SHISAL1: variants seen among roughly 807,000 people sequenced by gnomAD.
SHISAL1 encodes protein shisa-like-1.
A neutral mutation model predicts 22.6 loss-of-function variants in SHISAL1; 9 were observed. The observed-to-expected ratio is 0.40, with a 90% CI of 0.24 to 0.70. The LOEUF (loss-of-function observed/expected upper bound fraction) is 0.70. SHISAL1 is among the 30% of genes least tolerant of loss of function. The pLI is 0.39. For synonymous variants in SHISAL1, 119 were observed against 115.4 expected (o/e 1.03, Z -0.20); for missense variants, 246 against 270.6 (o/e 0.91, Z 0.64).
chr22:44,320,292 A>G, the SHISAL1 span, among the ~76,000 whole-genome samples: 4 of 152,104 alleles, frequency 2.6e-5, no homozygotes, highest in African/African-American at 7.2e-5. Context: ...GTTCCTATAC[A>G]CTGTTGGTTC....
At chr22:44,274,493 GT>G (rs2055226115) in intron 4 of SHISAL1, among the ~76,000 whole-genome samples, 1 of 152,180 alleles carries the variant, frequency 6.6e-6, no homozygotes, top group Admixed American at 6.5e-5. Context: ...GTTTTCTGGA[GT>G]ATGTCTCCTC....
intron 4 of SHISAL1, among the ~76,000 whole-genome samples, chr22:44,262,011 C>A (rs1316446477): frequency 6.7e-6 from 1 of 148,552 alleles, no homozygotes; most frequent in African/African-American, 2.5e-5. Context: ...AGAACTGAGT[C>A]AGGTGTGGGC....
the SHISAL1 span, among the ~76,000 whole-genome samples, chr22:44,331,441 G>A: frequency 1.3e-5 from 2 of 151,070 alleles, no homozygotes; most frequent in Non-Finnish European, 3.0e-5. The surrounding 1 kb of genome is among the most constrained non-coding windows in gnomAD (Gnocchi z 5.2). Context: ...CCCGGCCCAG[G>A]CGCGCCCCTC....
intron 4 of SHISAL1, among the ~76,000 whole-genome samples, 181 bp from the exon 5 acceptor site, chr22:44,249,866 T>C (rs1034714690): frequency 7.2e-5 from 11 of 152,226 alleles, no homozygotes; most frequent in African/African-American, 2.4e-4. Context: ...GCTATCATTA[T>C]AGCTCCATAT....
chr22:44,311,245 C>G (rs1018091524), intron 1 of SHISAL1, among the ~76,000 whole-genome samples: 1 of 152,210 alleles, frequency 6.6e-6, no homozygotes, highest in Admixed American at 6.5e-5. Flanking sequence ...ACCACTTGCT[C>G]CATGGGGCTG....
intron 4 of SHISAL1, among the ~76,000 whole-genome samples, chr22:44,261,075 C>CATATATATATATATATATATATATATA: frequency 1.9e-5 from 1 of 53,948 alleles, no homozygotes; most frequent in Non-Finnish European, 3.5e-5. Flanking sequence ...TGCTTCATTA[C>CATATATATATATATATATATATATATA]TTTATATATA....
chr22:44,311,677 G>A (rs2055519645), intron 1 of SHISAL1, among the ~76,000 whole-genome samples: 1 of 152,228 alleles, frequency 6.6e-6, no homozygotes, highest in Non-Finnish European at 1.5e-5. Flanking sequence ...ACACACAGCT[G>A]AAAGGGGCTT....
intron 4 of SHISAL1, among the ~76,000 whole-genome samples, chr22:44,284,400 G>T (rs1235775607): frequency 6.6e-6 from 1 of 152,116 alleles, no homozygotes; most frequent in Non-Finnish European, 1.5e-5. Context: ...AAATGGCAGA[G>T]CCGGGACTCA....
chr22:44,274,752 G>C (rs964565378), intron 4 of SHISAL1, among the ~76,000 whole-genome samples: 14 of 152,166 alleles, frequency 9.2e-5, no homozygotes, highest in African/African-American at 3.4e-4. Flanking sequence ...TTAGAAGGGA[G>C]AAAAACGCAA....
intron 4 of SHISAL1, among the ~76,000 whole-genome samples, chr22:44,262,079 G>A (rs1352785094): frequency 6.6e-6 from 1 of 152,258 alleles, no homozygotes. Flanking sequence ...TGAAACAAGA[G>A]CAGCAGACCC....
rs542347963 is a variant in SHISAL1, at chr22:44,248,016, G to C, written c.*1669C>G. Reference sequence around the variant, plus strand: ...TAACGCCCATTACTGGCTCCTGTGTGTCATTCAAATCTGGGCTTCAATCAT... The same window carrying C: ...TAACGCCCATTACTGGCTCCTGTGTCTCATTCAAATCTGGGCTTCAATCAT... On this transcript the variant is annotated 3_prime_UTR_variant, in exon 5 of 5. Coordinates refer to ENST00000381176, the MANE Select transcript of SHISAL1 (RefSeq NM_001099294.2). The C allele has an allele frequency of 6.6e-6, 1 of 152,228 alleles. No homozygotes were observed. 9.4% of individuals were successfully genotyped at this position (152,228 alleles called of 1,614,324 possible). A position where few individuals can be genotyped will look rare whatever the true frequency, so the allele number is the denominator to read the frequency against.
chr22:44,306,577 TGTGATGA>T lies in SHISAL1; in HGVS notation c.-32-5607_-32-5601del, dbSNP rs1455287016. On this transcript the variant is annotated intron_variant, in intron 1 of 4. Transcript: ENST00000381176. ...TGGAGGGGAACTGAGCTCGGGGAGCTGTGATGACGATGGCATGTGTGGAGGGGAACTG... is the reference window on the plus strand; with the variant it reads ...TGGAGGGGAACTGAGCTCGGGGAGCTCGATGGCATGTGTGGAGGGGAACTG... Among the ~76,000 whole-genome samples the T allele has an allele frequency of 8.2e-4, 29 of 35,412 alleles. 1 individual carries two copies. The highest frequency in any genetic ancestry group is 1.1e-3 in the Non-Finnish European group (16 of 15,174). 23.2% of individuals were successfully genotyped at this position (35,412 alleles called of 152,430 possible). A position where few individuals can be genotyped will look rare whatever the true frequency, so the allele number is the denominator to read the frequency against.
At chr22:44,302,441 G>C (rs1248811324) in intron 1 of SHISAL1, among the ~76,000 whole-genome samples, 2 of 152,214 alleles carry the variant, frequency 1.3e-5, no homozygotes, top group Non-Finnish European at 2.9e-5. Context: ...TGTTACGAGG[G>C]AAAATAAAAC....
chr22:44,305,153 C>A (rs766874242), intron 1 of SHISAL1, among the ~76,000 whole-genome samples: 1 of 152,208 alleles, frequency 6.6e-6, no homozygotes, highest in African/African-American at 2.4e-5. Flanking sequence ...AAAAGTTTGC[C>A]CCTCCACTGA....
At chr22:44,309,524 C>T (rs919553571) in intron 1 of SHISAL1, among the ~76,000 whole-genome samples, 6 of 152,152 alleles carry the variant, frequency 3.9e-5, no homozygotes, top group African/African-American at 1.4e-4. Flanking sequence ...TCCCACCCAG[C>T]CCTATGCTGC....
intron 4 of SHISAL1, among the ~76,000 whole-genome samples, chr22:44,273,116 C>A (rs546057930): frequency 9.9e-5 from 15 of 151,796 alleles, no homozygotes; most frequent in Admixed American, 4.6e-4. Context: ...ACAAAAAAAA[C>A]CACATTGGCT....
chr22:44,311,448 C>A (rs185921312), intron 1 of SHISAL1, among the ~76,000 whole-genome samples: 6 of 152,352 alleles, frequency 3.9e-5, no homozygotes, highest in African/African-American at 1.4e-4. Context: ...CCTTTCCCTG[C>A]TGAATCCACC....
chr22:44,328,856 C>T, the SHISAL1 span, among the ~76,000 whole-genome samples: 1 of 152,270 alleles, frequency 6.6e-6, no homozygotes, highest in East Asian at 1.9e-4. Context: ...TGCTCCATCC[C>T]CCAGCCCTCC....
chr22:44,252,851 C>T (rs963887309), intron 4 of SHISAL1, among the ~76,000 whole-genome samples: 11 of 151,616 alleles, frequency 7.3e-5, no homozygotes, highest in South Asian at 2.1e-4. Context: ...AAAAATTATC[C>T]GGGCGTGGTG....
Sources: allele counts gnomAD v4.1 joint callset (sites outside exome capture counted in the v4.1 genomes callset), GRCh38; gene constraint gnomAD v4.1.1; non-coding constraint Gnocchi (gnomAD v3.1); transcripts MANE v1.5; gene names NCBI Gene and HGNC (gene_info 2026-07-23, HGNC 2026-07-21).